The following DAB1 variants were observed in gnomAD, a reference collection of about 807,000 sequenced individuals.
DAB1 encodes the protein disabled homolog 1.
In DAB1, 15 loss-of-function variants were observed where a neutral mutation model predicts 64.6. That is an observed-to-expected ratio of 0.23 (90% CI 0.16 to 0.36). The LOEUF is 0.36. Among genes scored for constraint, DAB1 ranks in the 10% least tolerant of loss-of-function variants. DAB1 has a pLI of 1.00. For synonymous variants in DAB1, 235 were observed against 251.9 expected (o/e 0.93, Z 0.64); for missense variants, 596 against 706.7 (o/e 0.84, Z 1.78).
At position 58,321,924 on chromosome 1, in the gene DAB1, G is replaced by A. The variant is rs1662693401; in HGVS notation, n.309+21428C>T. ...AAGAGAGCAGTGGTTCTCCCAGCATGGTGTTTGAGCTCTGAGAATGGACAG... is the reference window on the plus strand; with the variant it reads ...AAGAGAGCAGTGGTTCTCCCAGCATAGTGTTTGAGCTCTGAGAATGGACAG... On this transcript the variant is annotated intron_variant and non_coding_transcript_variant, in intron 4 of 20. Transcript: ENST00000485760. Among the ~76,000 whole-genome samples the A allele has an allele frequency of 3.9e-5, 6 of 152,332 alleles. No individual in the cohort carries two copies. The South Asian group carries it at 1.2e-3, about 32-fold the overall frequency.
At chr1:57,894,395 T>C (rs1187094126) in intron 5 of DAB1, among the ~76,000 whole-genome samples, 1 of 152,018 alleles carries the variant, frequency 6.6e-6, no homozygotes, top group East Asian at 1.9e-4. Flanking sequence ...TCATTTTAGG[T>C]AGGGAAGTTG....
At chr1:57,042,920 A>G (rs561222578) in intron 9 of DAB1, among the ~76,000 whole-genome samples, 7 of 152,180 alleles carry the variant, frequency 4.6e-5, no homozygotes, top group African/African-American at 1.4e-4. Context: ...TCCAGAAAAA[A>G]GCTGTCACAT....
intron 4 of DAB1, among the ~76,000 whole-genome samples, chr1:58,253,929 C>A (rs868052505): frequency 6.6e-6 from 1 of 152,114 alleles, no homozygotes; most frequent in Admixed American, 6.5e-5. Context: ...TCGCAGATAC[C>A]CTGAGAATCA....
intron 5 of DAB1, among the ~76,000 whole-genome samples, chr1:58,026,982 A>C (rs1646904593): frequency 6.6e-6 from 1 of 152,220 alleles, no homozygotes; most frequent in Non-Finnish European, 1.5e-5. Flanking sequence ...CAAATGGACC[A>C]AATCTTGGCC....
At position 57,445,779 on chromosome 1, in the gene DAB1, C is replaced by T. The variant is rs192137690; in HGVS notation, n.626-154613G>A. Among the ~76,000 whole-genome samples the T allele has an allele frequency of 6.9e-3, 1,053 of 152,238 alleles. 6 individuals carry two copies. The highest frequency in any genetic ancestry group is 7.7e-3 in the Non-Finnish European group (526 of 68,004). On this transcript the variant is annotated intron_variant and non_coding_transcript_variant, in intron 7 of 20. Transcript: ENST00000485760. ...AGAATTCACCCAAAATATATTAAAA[C>T]GCATAGAATAAACCAACTCATTTCA...
At chr1:58,315,128 C>T (rs565984769) in intron 4 of DAB1, among the ~76,000 whole-genome samples, 1 of 152,302 alleles carries the variant, frequency 6.6e-6, no homozygotes, top group South Asian at 2.1e-4. Flanking sequence ...GAAATTCTTA[C>T]AGCAATTTTA....
At chr1:57,459,974 A>G (rs572393841) in intron 7 of DAB1, among the ~76,000 whole-genome samples, 7 of 152,258 alleles carry the variant, frequency 4.6e-5, no homozygotes, top group African/African-American at 1.7e-4. Flanking sequence ...TAAGACAGGG[A>G]TCCTAACACT....
At chr1:58,046,192 G>T (rs1463944720) in intron 5 of DAB1, among the ~76,000 whole-genome samples, 1 of 152,086 alleles carries the variant, frequency 6.6e-6, no homozygotes, top group Non-Finnish European at 1.5e-5. Flanking sequence ...TGTTAAGTAA[G>T]TTTTCCATTT....
chr1:58,269,015 TA>T (rs1465670361), intron 4 of DAB1, among the ~76,000 whole-genome samples: 2 of 22,496 alleles, frequency 8.9e-5, no homozygotes, highest in African/African-American at 1.4e-4. Flanking sequence ...TTTTTTTATT[TA>T]TTTTTTTTTT....
chr1:57,720,838 T>G (rs895818797), intron 6 of DAB1, among the ~76,000 whole-genome samples: 1 of 152,188 alleles, frequency 6.6e-6, no homozygotes, highest in Non-Finnish European at 1.5e-5. Flanking sequence ...ATAGAGGTTT[T>G]AAATATTTAA....
At chr1:57,487,423 C>T (rs1471605714) in intron 7 of DAB1, among the ~76,000 whole-genome samples, 3 of 152,206 alleles carry the variant, frequency 2.0e-5, no homozygotes, top group African/African-American at 7.2e-5. Context: ...ACTGTAGATC[C>T]TTCACCACGT....
chr1:57,350,565 G>A (rs937691556), intron 1 of DAB1, among the ~76,000 whole-genome samples: 2 of 152,084 alleles, frequency 1.3e-5, no homozygotes, highest in South Asian at 2.1e-4. Flanking sequence ...TTTGCTGGGC[G>A]CTACTCAGGG....
At chr1:58,080,719 G>T (rs529917159) in intron 5 of DAB1, among the ~76,000 whole-genome samples, 1 of 152,198 alleles carries the variant, frequency 6.6e-6, no homozygotes, top group African/African-American at 2.4e-5. Context: ...AATCAGAAAG[G>T]CCTGTGTTGG....
rs74422378 is a variant in DAB1, at chr1:57,442,696, G to A, written n.626-151530C>T. Among the ~76,000 whole-genome samples, 1,414 of 152,312 alleles carry A rather than the reference G, an allele frequency of 9.3e-3. 18 individuals carry two copies. Among genetic ancestry groups the A allele is most frequent in the African/African-American group, 0.032 (1,337 of 41,586 alleles). On this transcript the variant is annotated intron_variant and non_coding_transcript_variant, in intron 7 of 20. Coordinates refer to the DAB1 transcript ENST00000485760. ...TATGTTTTCCGGAGAGAGAAAGGGT[G>A]GAAAGACACAGCTGGGATGCCCAGA...
At chr1:57,465,495 T>A (rs12085695) in intron 7 of DAB1, among the ~76,000 whole-genome samples, 1,925 of 152,330 alleles carry the variant, frequency 0.013, 41 homozygotes, top group African/African-American at 0.043. Flanking sequence ...CAGCCCCTAC[T>A]TGAAAGAGCT....
At chr1:58,475,085 G>A (rs947240566) in intron 3 of DAB1, among the ~76,000 whole-genome samples, 16 of 152,164 alleles carry the variant, frequency 1.1e-4, no homozygotes, top group Non-Finnish European at 2.2e-4. Flanking sequence ...ACATTAGAAT[G>A]TAGAAATTGA....
At chr1:57,625,425 A>G (rs1470262030) in intron 7 of DAB1, among the ~76,000 whole-genome samples, 2 of 152,156 alleles carry the variant, frequency 1.3e-5, no homozygotes, top group African/African-American at 4.8e-5. Context: ...GAGGATAAAA[A>G]GAAGGCCATG....
chr1:57,324,210 G>A (rs1218327398), intron 1 of DAB1, among the ~76,000 whole-genome samples: 3 of 152,204 alleles, frequency 2.0e-5, no homozygotes, highest in Non-Finnish European at 4.4e-5. Context: ...CAGGTGAACC[G>A]TTAAGTGAAC....
At chr1:57,014,848 C>T (rs936101883) in intron 12 of DAB1, 35 bp downstream of exon 12, 2 of 1,505,444 alleles carry the variant, frequency 1.3e-6, no homozygotes, top group African/African-American at 1.4e-5. Context: ...TTACGGCTCT[C>T]ATTGGGTTTT....
Sources: allele counts gnomAD v4.1 joint callset (sites outside exome capture counted in the v4.1 genomes callset), GRCh38; gene constraint gnomAD v4.1.1; transcripts MANE v1.5; gene names NCBI Gene and HGNC (gene_info 2026-07-23, HGNC 2026-07-21).